Variants in ZRANB3 observed in about 807,000 individuals in gnomAD.
ZRANB3 encodes zinc finger RANBP2-type containing 3.
Under a neutral mutation model 133.8 loss-of-function variants are expected in ZRANB3, and 125 were observed. That is an observed-to-expected ratio of 0.93 (90% CI 0.81 to 1.08). ZRANB3 has a LOEUF of 1.08. Ranked by LOEUF, ZRANB3 falls within the 50% of genes least tolerant of loss-of-function variation. The pLI, the probability that ZRANB3 is intolerant of heterozygous loss-of-function variation, is 0.00. For synonymous variants in ZRANB3, 387 were observed against 432.7 expected, an observed-to-expected ratio of 0.89 and a Z score of 1.31; for missense variants, 1,229 against 1,275.5, an observed-to-expected ratio of 0.96 and a Z score of 0.56.
chr2:135,484,135 G>T (rs546177005), intron 2 of ZRANB3, among the ~76,000 whole-genome samples: 12 of 152,212 alleles, frequency 7.9e-5, no homozygotes, highest in African/African-American at 2.6e-4. Context: ...GGTCCGCTTC[G>T]TGCAGAGCTG....
At chr2:135,389,937 G>A (rs569097617) in intron 3 of ZRANB3, among the ~76,000 whole-genome samples, 107 of 132,312 alleles carry the variant, frequency 8.1e-4, no homozygotes, top group African/African-American at 2.9e-3. Context: ...CTGGAGTGCA[G>A]TGGCATGCTT....
intron 2 of ZRANB3, among the ~76,000 whole-genome samples, chr2:135,451,642 TCA>T (rs894512765): frequency 6.8e-6 from 1 of 147,228 alleles, no homozygotes; most frequent in African/African-American, 2.5e-5. Flanking sequence ...AAACAAAAAA[TCA>T]CACACACACA....
Position 135,219,167 on chromosome 2 carries a change from C to T in ZRANB3, c.2262G>A (p.Gln754=), listed in dbSNP as rs1452351711. ...RIHIYTKDGK[Q]MSCNFIPLDI... is the part of the protein sequence containing the mutation. The stretch of plus-strand genomic sequence containing the variant: ...CCAGAGGAATGAAATTACAGCTCAT[C>T]TGTTTTCCATCCTGATGATAGATTA... Residue 754 remains glutamine (Q), a synonymous_variant, in exon 16 of 21, where the codon CAG becomes CAA. Transcript: ENST00000264159. 1 of 1,526,314 alleles carries T rather than the reference C, an allele frequency of 6.6e-7. No homozygotes were observed. Among genetic ancestry groups the T allele is most frequent in the African/African-American group, 1.4e-5 (1 of 71,530 alleles). 94.5% of individuals were successfully genotyped at this position (1,526,314 alleles called of 1,614,324 possible). A position where few individuals can be genotyped will look rare whatever the true frequency, so the allele number is the denominator to read the frequency against.
chr2:135,339,111 C>CA (rs975362326), intron 6 of ZRANB3, among the ~76,000 whole-genome samples: 1 of 151,396 alleles, frequency 6.6e-6, no homozygotes, highest in African/African-American at 2.4e-5. Context: ...CCCGTATCTA[C>CA]AAAAAAAAAT....
In ZRANB3 at chr2:135,461,019, G is replaced by A. The variant is rs369275741; in HGVS notation, c.161+43310C>T. On this transcript the variant is annotated intron_variant, in intron 2 of 20. Transcript: ENST00000264159. The stretch of plus-strand genomic sequence containing the variant: ...TCAATAACCATAGTAGCTATCAGGT[G>A]CTGTATTACACATCTGTAAATATAA... Among the ~76,000 whole-genome samples, 96 of 152,222 alleles carry A rather than the reference G, an allele frequency of 6.3e-4. 1 individual carries two copies. Among genetic ancestry groups the A allele is most frequent in the African/African-American group, 2.0e-3 (82 of 41,544 alleles).
In ZRANB3 at chr2:135,241,959, C is replaced by T. The variant is rs1162889927; in HGVS notation, c.1540-11032G>A. Among the ~76,000 whole-genome samples, 4 of 152,070 alleles carry T rather than the reference C, an allele frequency of 2.6e-5. No individual in the cohort carries two copies. In the South Asian group the frequency reaches 8.3e-4, roughly 32 times the overall value. On this transcript the variant is annotated intron_variant, in intron 12 of 20. Coordinates refer to ENST00000264159, the MANE Select transcript of ZRANB3 (RefSeq NM_032143.4). Reference sequence around the variant, plus strand: ...CTTTGGGAAGGTGAGGTGGGCGAATCACTTGAGGTCAGGAGTTCCAGACCA... The same window carrying T: ...CTTTGGGAAGGTGAGGTGGGCGAATTACTTGAGGTCAGGAGTTCCAGACCA...
Position 135,224,491 on chromosome 2 carries a change from G to C in ZRANB3, c.2185C>G (p.Pro729Ala), listed in dbSNP as rs1173130931. ...NEQWKSSDTL[P>A]VYDTLMFCAS... ...CAGAACATTAAGGTGTCATACACTG[G>C]CAAAGTGTCTGAACTCTTCCACTGT... is the stretch of plus-strand genomic sequence containing the variant. The change falls in exon 15 of 21, where the codon CCA (proline) becomes GCA (alanine). Residue 729 changes from proline (P) to alanine (A), a missense_variant. Pro to Ala is a conservative substitution (Grantham distance 27). Coordinates refer to ENST00000264159, the MANE Select transcript of ZRANB3 (RefSeq NM_032143.4). 2 of 1,612,776 alleles carry C rather than the reference G, an allele frequency of 1.2e-6. No homozygotes were observed. The highest frequency in any genetic ancestry group is 3.3e-5 in the Admixed American group (2 of 59,970).
At chr2:135,476,887 TA>T (rs1205514565) in intron 2 of ZRANB3, among the ~76,000 whole-genome samples, 2 of 151,840 alleles carry the variant, frequency 1.3e-5, no homozygotes, top group African/African-American at 4.8e-5. Flanking sequence ...AATTTTTATT[TA>T]AAAGAAATTT....
At chr2:135,296,279 T>C (rs552252257) in intron 8 of ZRANB3, among the ~76,000 whole-genome samples, 1 of 152,322 alleles carries the variant, frequency 6.6e-6, no homozygotes, top group Non-Finnish European at 1.5e-5. Flanking sequence ...GTTCATTTCT[T>C]TTTATTCTTT....
At chr2:135,466,836 C>T (rs1184809683) in intron 2 of ZRANB3, among the ~76,000 whole-genome samples, 1 of 152,038 alleles carries the variant, frequency 6.6e-6, no homozygotes, top group Non-Finnish European at 1.5e-5. Context: ...CACCACTGCA[C>T]TCAGCTAATT....
intron 8 of ZRANB3, among the ~76,000 whole-genome samples, chr2:135,301,250 G>A (rs2016636): frequency 0.5 from 75,378 of 150,380 alleles, 23,814 homozygotes; most frequent in African/African-American, 0.84. Context: ...CAGTGGTACC[G>A]TCTCACCCCA....
chr2:135,387,817 A>G, intron 3 of ZRANB3, among the ~76,000 whole-genome samples: 1 of 152,250 alleles, frequency 6.6e-6, no homozygotes, highest in South Asian at 2.1e-4. Flanking sequence ...GAAAGATGAC[A>G]ACATGTGAAT....
chr2:135,254,477 G>A (rs960886347), intron 12 of ZRANB3, among the ~76,000 whole-genome samples: 5 of 151,780 alleles, frequency 3.3e-5, no homozygotes, highest in Admixed American at 2.6e-4. Context: ...GCCAGGTGTC[G>A]TGGCTCACGC....
intron 2 of ZRANB3, among the ~76,000 whole-genome samples, chr2:135,499,735 A>T (rs1271414929): frequency 6.6e-6 from 1 of 152,198 alleles, no homozygotes; most frequent in African/African-American, 2.4e-5. Flanking sequence ...TATAAGTGGA[A>T]CTCTTAAACA....
intron 8 of ZRANB3, among the ~76,000 whole-genome samples, chr2:135,301,190 T>TA (rs1317624505): frequency 6.6e-6 from 1 of 150,416 alleles, no homozygotes; most frequent in Non-Finnish European, 1.5e-5. Flanking sequence ...TGTTTATTTT[T>TA]TTTTTTTTTT....
At chr2:135,492,390 G>C (rs923837927) in intron 2 of ZRANB3, among the ~76,000 whole-genome samples, 5 of 152,144 alleles carry the variant, frequency 3.3e-5, no homozygotes, top group Admixed American at 6.6e-5. Context: ...TAGTTGTTGG[G>C]ATACTAATTA....
At chr2:135,399,805 T>C (rs1282573639) in intron 2 of ZRANB3, among the ~76,000 whole-genome samples, 3 of 152,226 alleles carry the variant, frequency 2.0e-5, no homozygotes, top group Non-Finnish European at 4.4e-5. Context: ...CACAAGATTC[T>C]ATCAATTCGA....
At chr2:135,255,135 G>T (rs1476091118) in intron 12 of ZRANB3, among the ~76,000 whole-genome samples, 1 of 152,102 alleles carries the variant, frequency 6.6e-6, no homozygotes, top group Non-Finnish European at 1.5e-5. Flanking sequence ...CATTGTTTTA[G>T]TCTCAGCTCC....
intron 1 of ZRANB3, among the ~76,000 whole-genome samples, chr2:135,516,782 G>A (rs1693716722): frequency 6.6e-6 from 1 of 152,106 alleles, no homozygotes; most frequent in South Asian, 2.1e-4. Flanking sequence ...GCATCTTTGT[G>A]GTGTTCTCCA....
Sources: allele counts gnomAD v4.1 joint callset (sites outside exome capture counted in the v4.1 genomes callset), GRCh38; gene constraint gnomAD v4.1.1; transcripts MANE v1.5; gene names NCBI Gene and HGNC (gene_info 2026-07-23, HGNC 2026-07-21).